R3HDM1: variants seen among roughly 807,000 people sequenced by gnomAD.
R3HDM1 encodes R3H domain-containing protein 1.
In R3HDM1, 46 loss-of-function variants were observed where a neutral mutation model predicts 141.1. That is an observed-to-expected ratio of 0.33 (90% CI 0.26 to 0.42). The LOEUF is 0.42. Among genes scored for constraint, R3HDM1 ranks in the 10% least tolerant of loss-of-function variants. R3HDM1 has a pLI of 1.00. For missense variants in R3HDM1, 1,184 were observed against 1,368.3 expected (o/e 0.87, Z 2.12); for synonymous variants, 435 against 472.9 (o/e 0.92, Z 1.04).
chr2:135,648,218 C>T (rs938181811), intron 16 of R3HDM1, among the ~76,000 whole-genome samples: 7 of 152,110 alleles, frequency 4.6e-5, no homozygotes, highest in African/African-American at 1.7e-4. Context: ...ATAGATCTTT[C>T]AGCTTTTACT....
At chr2:135,667,641 A>AG in intron 19 of R3HDM1, 1 of 976,504 alleles carries the variant, frequency 1.0e-6, no homozygotes, top group Non-Finnish European at 1.2e-6. Context: ...GTGGTAGCCA[A>AG]GTTGGAGTCG....
At chr2:135,631,089 T>G (rs2062666399) in intron 7 of R3HDM1, among the ~76,000 whole-genome samples, 1 of 150,370 alleles carries the variant, frequency 6.7e-6, no homozygotes, top group Non-Finnish European at 1.5e-5. Flanking sequence ...AAATATCCTC[T>G]TCTTCTAAAT....
intron 1 of R3HDM1, among the ~76,000 whole-genome samples, chr2:135,572,707 A>G (rs771354702): frequency 1.3e-5 from 2 of 151,906 alleles, no homozygotes; most frequent in African/African-American, 4.9e-5. Context: ...TGCATAATAC[A>G]TGAATGTTCA....
At chr2:135,722,058 C>G in intron 25 of R3HDM1, 52 bp downstream of exon 25, 1 of 1,550,428 alleles carries the variant, frequency 6.4e-7, no homozygotes, top group Non-Finnish European at 8.9e-7. Context: ...TCATAGCTCC[C>G]TCAGAGTGTA....
rs747464743 is a variant in R3HDM1, at chr2:135,596,082, T to G, written c.-249-6418T>G. ...GGTGCGATCTCAGCTCACTGCAACC[T>G]CCGCCTCCCAGGCTCCAGCGATTCT... On this transcript the variant is annotated intron_variant, in intron 1 of 26. Transcript: ENST00000683871. Among the ~76,000 whole-genome samples the G allele has an allele frequency of 1.1e-4, 16 of 152,196 alleles. 1 individual carries two copies. Among genetic ancestry groups the G allele is most frequent in the Non-Finnish European group, 1.8e-4 (12 of 68,026 alleles).
At chr2:135,666,441 T>G (rs577376350) in intron 19 of R3HDM1, among the ~76,000 whole-genome samples, 1 of 152,304 alleles carries the variant, frequency 6.6e-6, no homozygotes, top group South Asian at 2.1e-4. Flanking sequence ...TTTCTTAGTA[T>G]GTATTGTGTG....
At chr2:135,718,107 T>G (rs1243869460) in intron 24 of R3HDM1, among the ~76,000 whole-genome samples, 2 of 152,154 alleles carry the variant, frequency 1.3e-5, no homozygotes, top group East Asian at 3.8e-4. Flanking sequence ...TTCTATATGA[T>G]TCTAATTATA....
intron 21 of R3HDM1, among the ~76,000 whole-genome samples, chr2:135,695,815 C>T (rs951623743): frequency 6.6e-5 from 10 of 152,146 alleles, no homozygotes; most frequent in Admixed American, 2.6e-4. Context: ...CCAGCCACCT[C>T]GCACTGTGAG....
At chr2:135,621,633 T>TA (rs200788359) in intron 6 of R3HDM1, 25 bp downstream of exon 6, 92 of 1,391,996 alleles carry the variant, frequency 6.6e-5, no homozygotes, top group South Asian at 1.4e-4. Flanking sequence ...TGTTTTTTTT[T>TA]AAAAAAAAAT....
At chr2:135,531,695 C>T in intron 1 of R3HDM1, 62 bp downstream of exon 1, 1 of 986,158 alleles carries the variant, frequency 1.0e-6, no homozygotes, top group Non-Finnish European at 1.2e-6. Flanking sequence ...TGCTCCCCTC[C>T]CCCGCCCGCC....
chr2:135,680,199 A>C lies in R3HDM1; in HGVS notation c.2334A>C (p.Gly778=), dbSNP rs2070011722. 1 of 1,613,784 alleles carries C rather than the reference A, an allele frequency of 6.2e-7. No homozygotes were observed. The highest frequency in any genetic ancestry group is 1.7e-5 in the Admixed American group (1 of 59,962). The change falls in exon 21 of 27, where the codon GGA becomes GGC. Residue 778 remains glycine (G), a synonymous_variant. Transcript: ENST00000683871. ...TTTCACTGCCTCAAGGTTCTCAAGG[A>C]ATTCCCCATCAGACTTATCAACAGC... is the stretch of plus-strand genomic sequence containing the variant. The part of the protein sequence containing the change: ...YQVSLPQGSQ[G]IPHQTYQQPV...
At chr2:135,625,481 AG>A (rs1308774514) in intron 7 of R3HDM1, among the ~76,000 whole-genome samples, 4 of 152,166 alleles carry the variant, frequency 2.6e-5, no homozygotes, top group African/African-American at 9.7e-5. Context: ...ATAAAATAAC[AG>A]AGGGATATGA....
At chr2:135,583,576 G>A (rs895698996) in intron 1 of R3HDM1, among the ~76,000 whole-genome samples, 5 of 152,178 alleles carry the variant, frequency 3.3e-5, no homozygotes, top group Admixed American at 6.5e-5. Flanking sequence ...GCCAGAATCA[G>A]TGATTACCTT....
chr2:135,703,446 C>T (rs1053880861), intron 21 of R3HDM1, among the ~76,000 whole-genome samples: 2 of 152,146 alleles, frequency 1.3e-5, no homozygotes, highest in Non-Finnish European at 2.9e-5. Context: ...CAGCACCTGC[C>T]AGTGGCCTAA....
chr2:135,664,461 A>G (rs1395068862), intron 19 of R3HDM1, among the ~76,000 whole-genome samples: 1 of 152,198 alleles, frequency 6.6e-6, no homozygotes, highest in African/African-American at 2.4e-5. Context: ...GTAATGTTTA[A>G]AAGTTTGTAT....
chr2:135,655,285 C>G (rs1450130173), intron 18 of R3HDM1, among the ~76,000 whole-genome samples: 1 of 151,878 alleles, frequency 6.6e-6, no homozygotes, highest in Non-Finnish European at 1.5e-5. Flanking sequence ...CTTTTCTTTC[C>G]CCATTAAATA....
At chr2:135,614,752 GCTT>G (rs954016632) in intron 3 of R3HDM1, among the ~76,000 whole-genome samples, 26 of 151,972 alleles carry the variant, frequency 1.7e-4, no homozygotes, top group African/African-American at 6.0e-4. Context: ...TTTCCCTTCT[GCTT>G]CTTCAGAACT....
chr2:135,618,200 G>A (rs991086314), intron 5 of R3HDM1, among the ~76,000 whole-genome samples: 1 of 137,862 alleles, frequency 7.3e-6, no homozygotes, highest in South Asian at 2.2e-4. Context: ...TTTCACTCTT[G>A]TTGACCGGGC....
intron 23 of R3HDM1, among the ~76,000 whole-genome samples, chr2:135,712,290 G>A (rs955998741): frequency 2.6e-5 from 4 of 152,040 alleles, no homozygotes; most frequent in African/African-American, 2.4e-5. Context: ...TAGAGACAGG[G>A]TCTGGCTCTG....
Sources: gnomAD v4.1 joint callset for allele counts (sites outside exome capture counted in the v4.1 genomes callset) on GRCh38, gnomAD v4.1.1 for gene constraint, MANE v1.5 for transcripts, NCBI Gene and HGNC (gene_info 2026-07-23, HGNC 2026-07-21) for gene names.